PCDH15: variants seen among roughly 807,000 people sequenced by gnomAD.
PCDH15 encodes protocadherin-15.
In PCDH15, 129 loss-of-function variants were observed where a neutral mutation model predicts 178.5. That is an observed-to-expected ratio of 0.72 (90% confidence interval 0.63 to 0.84). The LOEUF (loss-of-function observed/expected upper bound fraction) is 0.84, where lower values mean the gene tolerates loss of function less well. PCDH15 is among the 40% of genes least tolerant of loss of function. The pLI is 0.00. For missense variants in PCDH15, 2,230 were observed against 2,099.9 expected (o/e 1.06, Z -1.21); for synonymous variants, 800 against 732.0 (o/e 1.09, Z -1.50).
At chr10:55,241,453 T>A (rs972311916) in intron 1 of PCDH15, among the ~76,000 whole-genome samples, 2 of 152,146 alleles carry the variant, frequency 1.3e-5, no homozygotes, top group African/African-American at 4.8e-5. Flanking sequence ...TCTTTCTCAC[T>A]CTGTCGCCCA....
At chr10:54,085,276 A>G (rs1037991116) in intron 16 of PCDH15, among the ~76,000 whole-genome samples, 11 of 152,136 alleles carry the variant, frequency 7.2e-5, no homozygotes, top group African/African-American at 2.4e-4. Flanking sequence ...TTAAAATGCA[A>G]GTGAAGAAAA....
intron 21 of PCDH15, among the ~76,000 whole-genome samples, chr10:53,985,726 C>G: frequency 6.6e-6 from 1 of 151,980 alleles, no homozygotes; most frequent in East Asian, 1.9e-4. Flanking sequence ...CTTATGCTAC[C>G]CACTTCTTCT....
At chr10:55,200,202 C>A (rs1840204893) in intron 1 of PCDH15, among the ~76,000 whole-genome samples, 1 of 152,120 alleles carries the variant, frequency 6.6e-6, no homozygotes, top group South Asian at 2.1e-4. Context: ...ATGTACCCTG[C>A]AAAGCAACAT....
intron 1 of PCDH15, among the ~76,000 whole-genome samples, chr10:55,240,119 A>C (rs902532075): frequency 1.3e-5 from 2 of 152,270 alleles, no homozygotes; most frequent in Non-Finnish European, 2.9e-5. Context: ...AACAGTGTGG[A>C]GGTTCCTCAA....
chr10:54,404,275 A>G (rs1589235521), intron 3 of PCDH15, among the ~76,000 whole-genome samples: 1 of 152,064 alleles, frequency 6.6e-6, no homozygotes. Flanking sequence ...AAATTATACT[A>G]CAGGGCTACA....
intron 2 of PCDH15, among the ~76,000 whole-genome samples, chr10:55,128,191 C>T (rs1438545654): frequency 1.3e-5 from 2 of 151,970 alleles, no homozygotes. Context: ...CCTCTCAACC[C>T]TCACTCCCAC....
intron 2 of PCDH15, among the ~76,000 whole-genome samples, chr10:55,012,598 C>T (rs1922146): frequency 0.46 from 69,786 of 151,880 alleles, 17,923 homozygotes; most frequent in East Asian, 0.75. Context: ...TTCAATGGTG[C>T]TTTATAAAAT....
At chr10:55,169,836 T>C (rs1467760998) in intron 1 of PCDH15, among the ~76,000 whole-genome samples, 1 of 152,164 alleles carries the variant, frequency 6.6e-6, no homozygotes, top group Non-Finnish European at 1.5e-5. Context: ...TAATTGAATT[T>C]TGAAAATCCT....
chr10:54,283,585 T>G (rs2058839646), intron 8 of PCDH15, among the ~76,000 whole-genome samples: 1 of 152,096 alleles, frequency 6.6e-6, no homozygotes, highest in Non-Finnish European at 1.5e-5. Context: ...AGAAAATTAT[T>G]TCTTCATGTA....
chr10:54,932,294 A>C (rs2131854297), intron 2 of PCDH15, among the ~76,000 whole-genome samples: 1 of 152,312 alleles, frequency 6.6e-6, no homozygotes, highest in South Asian at 2.1e-4. Context: ...GATATTGATT[A>C]TTCTGACCCT....
intron 2 of PCDH15, among the ~76,000 whole-genome samples, chr10:55,533,422 C>G (rs1841501159): frequency 6.6e-6 from 1 of 151,940 alleles, no homozygotes; most frequent in African/African-American, 2.4e-5. Flanking sequence ...AGTAACATTT[C>G]TATACACTAA....
intron 2 of PCDH15, among the ~76,000 whole-genome samples, chr10:54,593,778 A>C (rs2133968997): frequency 6.6e-6 from 1 of 152,252 alleles, no homozygotes; most frequent in South Asian, 2.1e-4. Context: ...ATGGCTACTA[A>C]AACAATATTA....
intron 2 of PCDH15, among the ~76,000 whole-genome samples, chr10:55,378,932 T>C (rs1837464553): frequency 6.6e-6 from 1 of 150,798 alleles, no homozygotes; most frequent in Non-Finnish European, 1.5e-5. Context: ...AATGTACTTA[T>C]AAATAGAATG....
intron 3 of PCDH15, among the ~76,000 whole-genome samples, chr10:54,860,881 C>A (rs187390315): frequency 6.6e-6 from 1 of 152,056 alleles, no homozygotes; most frequent in Admixed American, 6.6e-5. Flanking sequence ...GTGTCCTAGG[C>A]GATCATTAAG....
intron 3 of PCDH15, among the ~76,000 whole-genome samples, chr10:54,846,960 C>A (rs755963242): frequency 6.6e-6 from 1 of 152,096 alleles, no homozygotes; most frequent in Non-Finnish European, 1.5e-5. Flanking sequence ...ACATTATCAC[C>A]CATATCATTT....
intron 20 of PCDH15, among the ~76,000 whole-genome samples, chr10:54,006,296 T>C (rs1319154434): frequency 6.6e-6 from 1 of 152,180 alleles, no homozygotes; most frequent in Non-Finnish European, 1.5e-5. Flanking sequence ...AATAGGAATC[T>C]GAAAATGCGG....
At chr10:55,361,184 G>T (rs1211923673) in intron 2 of PCDH15, among the ~76,000 whole-genome samples, 1 of 151,890 alleles carries the variant, frequency 6.6e-6, no homozygotes, top group Non-Finnish European at 1.5e-5. Context: ...GGTTATCCTT[G>T]GTGGTGGTGG....
chr10:54,494,560 C>A (rs959479951), intron 3 of PCDH15, among the ~76,000 whole-genome samples: 1 of 152,074 alleles, frequency 6.6e-6, no homozygotes, highest in African/African-American at 2.4e-5. Context: ...TTAGGTAGGC[C>A]GCAGAGTAAA....
At chr10:54,479,402 G>A (rs781051977) in intron 3 of PCDH15, among the ~76,000 whole-genome samples, 47 of 151,908 alleles carry the variant, frequency 3.1e-4, no homozygotes, top group South Asian at 1.0e-3. Context: ...TATTGAATAC[G>A]TAATTTAATA....
Sources: allele counts gnomAD v4.1 joint callset (sites outside exome capture counted in the v4.1 genomes callset), GRCh38; gene constraint gnomAD v4.1.1; transcripts MANE v1.5; gene names NCBI Gene and HGNC (gene_info 2026-07-23, HGNC 2026-07-21).